Variants in CEP63 observed in about 807,000 individuals in gnomAD.
CEP63 encodes the protein centrosomal protein 63.
In CEP63, 84 loss-of-function variants were observed where a neutral mutation model predicts 89.1. That is an observed-to-expected ratio of 0.94 (90% CI 0.79 to 1.13). The LOEUF (loss-of-function observed/expected upper bound fraction) is 1.13. Ranked by LOEUF, CEP63 falls within the 50% of genes most tolerant of loss-of-function variation. The pLI is 0.00. For synonymous variants in CEP63, 267 were observed against 272.5 expected (o/e 0.98, Z 0.20); for missense variants, 838 against 813.3 (o/e 1.03, Z -0.37).
At chr3:134,748,515 A>C in the CEP63 span, among the ~76,000 whole-genome samples, 3 of 152,144 alleles carry the variant, frequency 2.0e-5, no homozygotes, top group Non-Finnish European at 4.4e-5. Flanking sequence ...TTCTTTCTAC[A>C]TATACTGAAT....
chr3:134,632,895 G>C, the CEP63 span, among the ~76,000 whole-genome samples: 1 of 151,864 alleles, frequency 6.6e-6, no homozygotes, highest in Non-Finnish European at 1.5e-5. Context: ...CAAATCAGGG[G>C]TAAATACACC....
chr3:134,694,393 T>A, the CEP63 span, among the ~76,000 whole-genome samples: 1 of 152,222 alleles, frequency 6.6e-6, no homozygotes, highest in Non-Finnish European at 1.5e-5. Flanking sequence ...AAGTCACTGT[T>A]GTTCCCCAAA....
the CEP63 span, chr3:134,607,124 C>T: frequency 8.1e-6 from 8 of 985,410 alleles, no homozygotes; most frequent in African/African-American, 3.5e-5. Flanking sequence ...TTGCTTTGAC[C>T]TGGTCAGTTC....
downstream of CEP63, among the ~76,000 whole-genome samples, chr3:134,565,366 C>G (rs868508632): frequency 3.3e-5 from 5 of 152,346 alleles, no homozygotes; most frequent in Middle Eastern, 3.4e-3. Flanking sequence ...CTTACCTTCT[C>G]TCTCTTACAT....
intron 11 of CEP63, among the ~76,000 whole-genome samples, chr3:134,571,203 T>C (rs908873131): frequency 3.9e-5 from 6 of 152,128 alleles, no homozygotes; most frequent in Admixed American, 1.3e-4. Context: ...CTGAATGGGA[T>C]TAGGAGTGCC....
At chr3:134,684,889 T>C in the CEP63 span, among the ~76,000 whole-genome samples, 1 of 152,198 alleles carries the variant, frequency 6.6e-6, no homozygotes, top group South Asian at 2.1e-4. Flanking sequence ...GAACCCAGCA[T>C]TGGCATGAGA....
chr3:134,672,092 C>T, the CEP63 span, among the ~76,000 whole-genome samples: 11 of 152,212 alleles, frequency 7.2e-5, no homozygotes, highest in Admixed American at 5.9e-4. Flanking sequence ...CTCCAAGGAC[C>T]GCCAAACCCC....
At chr3:134,776,030 C>A in the CEP63 span, among the ~76,000 whole-genome samples, 5 of 152,222 alleles carry the variant, frequency 3.3e-5, no homozygotes, top group Admixed American at 1.3e-4. Flanking sequence ...AAGCCACCTC[C>A]CCACCCGGTA....
chr3:134,694,984 G>A, the CEP63 span, among the ~76,000 whole-genome samples: 1 of 152,218 alleles, frequency 6.6e-6, no homozygotes, highest in Non-Finnish European at 1.5e-5. Context: ...GACAAGACCA[G>A]GGTCTTGAGG....
In CEP63 at chr3:134,559,365, A is replaced by G. The variant is rs1233206869; in HGVS notation, c.1889A>G (p.Asn630Ser). ...TCTTTGCCTTCAGCGCTAGATACAA[A>G]TGAAGCCAATTTTTCTGACACTATG... ...THSLPSALDT[N>S]EANFSDTMSE... The change falls in exon 14 of 15, where the codon AAT (asparagine) becomes AGT (serine). Residue 630 changes from asparagine (N) to serine (S), a missense_variant. Asn to Ser is a conservative substitution (Grantham distance 46). Coordinates refer to ENST00000675561, the MANE Select transcript of CEP63 (RefSeq NM_001353108.3). 4.3e-6 allele frequency: 7 copies of G among 1,614,010 alleles called. No homozygotes were observed. Among genetic ancestry groups the G allele is most frequent in the Non-Finnish European group, 5.1e-6 (6 of 1,179,960 alleles).
intron 12 of CEP63, chr3:134,553,126 AG>A (rs1955282211): frequency 6.6e-6 from 1 of 152,176 alleles, no homozygotes; most frequent in South Asian, 2.1e-4. Context: ...ATTTCCAGAG[AG>A]TATTCCTCCA....
chr3:134,759,609 A>G, the CEP63 span, among the ~76,000 whole-genome samples: 2 of 152,202 alleles, frequency 1.3e-5, no homozygotes, highest in Non-Finnish European at 1.5e-5. Context: ...GGTGGCTGCT[A>G]TTGGAGAAAG....
At chr3:134,648,259 T>C in the CEP63 span, among the ~76,000 whole-genome samples, 1 of 152,194 alleles carries the variant, frequency 6.6e-6, no homozygotes, top group Non-Finnish European at 1.5e-5. Flanking sequence ...TACGGTACTG[T>C]TCCTGGAAGC....
chr3:134,673,405 CCT>C, the CEP63 span, among the ~76,000 whole-genome samples: 152 of 152,236 alleles, frequency 1.0e-3, no homozygotes, highest in African/African-American at 3.6e-3. Flanking sequence ...CTCCTTTTGG[CCT>C]CTCTTCCTTC....
chr3:134,568,782 A>T (rs973624829), downstream of CEP63, among the ~76,000 whole-genome samples: 6 of 152,178 alleles, frequency 3.9e-5, no homozygotes, highest in African/African-American at 1.4e-4. Flanking sequence ...TTAAATCCAC[A>T]TTTCTCAAGC....
At chr3:134,644,077 A>T in the CEP63 span, among the ~76,000 whole-genome samples, 6 of 152,176 alleles carry the variant, frequency 3.9e-5, no homozygotes, top group African/African-American at 1.4e-4. Context: ...CACCCGCCTC[A>T]GCCTCCCAAA....
chr3:134,581,752 T>C (rs1401230903), intron 10 of CEP63, among the ~76,000 whole-genome samples: 2 of 132,330 alleles, frequency 1.5e-5, no homozygotes, highest in Admixed American at 1.6e-4. Flanking sequence ...CTCGGCTCAC[T>C]GCAAGCTCCG....
intron 10 of CEP63, among the ~76,000 whole-genome samples, chr3:134,584,537 A>T (rs529822919): frequency 1.9e-4 from 29 of 152,304 alleles, no homozygotes; most frequent in African/African-American, 7.0e-4. Flanking sequence ...CAACTTGATC[A>T]TGGCACATAA....
chr3:134,650,661 G>A, the CEP63 span, among the ~76,000 whole-genome samples: 1 of 152,190 alleles, frequency 6.6e-6, no homozygotes, highest in African/African-American at 2.4e-5. Context: ...CGTTGCCACG[G>A]GACGCCGGTG....
Sources: allele counts gnomAD v4.1 joint callset (sites outside exome capture counted in the v4.1 genomes callset), GRCh38; gene constraint gnomAD v4.1.1; transcripts MANE v1.5; gene names NCBI Gene and HGNC (gene_info 2026-07-23, HGNC 2026-07-21).